Variants in NDUFA10 observed in about 807,000 individuals in gnomAD.
NDUFA10 encodes NADH dehydrogenase [ubiquinone] 1 alpha subcomplex subunit 10, mitochondrial.
In NDUFA10, 40 loss-of-function variants were observed where a neutral mutation model predicts 47.8. That is an observed-to-expected ratio of 0.84 (90% CI 0.65 to 1.09). NDUFA10 has a LOEUF of 1.09. NDUFA10 is among the 50% of genes least tolerant of loss of function. The probability of loss-of-function intolerance (pLI) is 0.00; values close to 1 mark genes in which losing one functional copy is unlikely to be tolerated. For missense variants in NDUFA10, 413 were observed against 451.1 expected (o/e 0.92, Z 0.76); for synonymous variants, 183 against 172.2 (o/e 1.06, Z -0.49).
intron 4 of NDUFA10, among the ~76,000 whole-genome samples, chr2:239,918,986 C>T (rs532310305): frequency 3.9e-4 from 60 of 152,324 alleles, no homozygotes; most frequent in East Asian, 7.7e-4. Flanking sequence ...GACACAGTAA[C>T]CGGCTGCTTC....
At chr2:239,920,034 CA>C (rs1452402200) in intron 4 of NDUFA10, among the ~76,000 whole-genome samples, 1 of 152,206 alleles carries the variant, frequency 6.6e-6, no homozygotes, top group Non-Finnish European at 1.5e-5. Flanking sequence ...ACCCTGCTCC[CA>C]GGGTGCTTCC....
chr2:239,966,764 G>A (rs1695079626), intron 9 of NDUFA10, among the ~76,000 whole-genome samples: 1 of 151,978 alleles, frequency 6.6e-6, no homozygotes, highest in Non-Finnish European at 1.5e-5. Flanking sequence ...GAACCAGGCT[G>A]CCTGAGGGAG....
intron 4 of NDUFA10, among the ~76,000 whole-genome samples, chr2:239,950,600 G>A (rs1348247473): frequency 2.0e-5 from 3 of 152,240 alleles, no homozygotes; most frequent in South Asian, 2.1e-4. Flanking sequence ...CCAGGATAGC[G>A]TCAGGATTTT....
chr2:240,022,677 C>T (rs1335104221), intron 1 of NDUFA10, among the ~76,000 whole-genome samples: 4 of 151,630 alleles, frequency 2.6e-5, no homozygotes, highest in African/African-American at 7.3e-5. Flanking sequence ...GACGGACAGA[C>T]GGGAGGAAGA....
chr2:239,958,017 T>C lies in NDUFA10; in HGVS notation c.*3101A>G, dbSNP rs1162525852. 6.6e-6 allele frequency: 1 copy of C among 152,218 alleles called. No individual in the cohort carries two copies. The highest frequency in any genetic ancestry group is 1.5e-5 in the Non-Finnish European group (1 of 68,038). 9.4% of individuals were successfully genotyped at this position (152,218 alleles called of 1,614,324 possible). On this transcript the variant is annotated 3_prime_UTR_variant, in exon 10 of 10. Coordinates refer to ENST00000252711, the MANE Select transcript of NDUFA10 (RefSeq NM_004544.4). The stretch of plus-strand genomic sequence containing the variant: ...ACAATCACCTCCTCTGTTTTCTGGC[T>C]CATGATTTTCCTAAAGCAAAGCCTC...
At chr2:239,955,333 G>A (rs562743871), downstream of NDUFA10, among the ~76,000 whole-genome samples, 17 of 152,222 alleles carry the variant, frequency 1.1e-4, no homozygotes, top group African/African-American at 3.4e-4. Flanking sequence ...GACCAATGCC[G>A]GCATTTTCCA....
At chr2:239,907,725 A>T (rs920904035) in intron 4 of NDUFA10, among the ~76,000 whole-genome samples, 2 of 152,234 alleles carry the variant, frequency 1.3e-5, no homozygotes, top group Non-Finnish European at 1.5e-5. Flanking sequence ...TAGAATGGTG[A>T]TCATTAAAAA....
chr2:239,935,787 C>T (rs1478281200), intron 4 of NDUFA10, among the ~76,000 whole-genome samples: 1 of 152,206 alleles, frequency 6.6e-6, no homozygotes, highest in African/African-American at 2.4e-5. Context: ...TCTCTTTTGC[C>T]TGCCGCCATG....
intron 6 of NDUFA10, among the ~76,000 whole-genome samples, chr2:240,011,030 C>G (rs765438764): frequency 4.6e-5 from 7 of 152,152 alleles, no homozygotes; most frequent in Non-Finnish European, 7.4e-5. Flanking sequence ...GTGTGGCAGA[C>G]ATTCCTTACA....
Position 239,959,913 on chromosome 2 carries a change from G to C in NDUFA10, c.*1205C>G. 1.0e-6 allele frequency: 1 copy of C among 985,516 alleles called. No individual in the cohort carries two copies. Among genetic ancestry groups the C allele is most frequent in the African/African-American group, 1.7e-5 (1 of 57,364 alleles). 61.0% of individuals were successfully genotyped at this position (985,516 alleles called of 1,614,324 possible). A position where few individuals can be genotyped will look rare whatever the true frequency, so the allele number is the denominator to read the frequency against. ...AGTGTGCATCTTCTTCGCATGCTCC[G>C]CAGCAGCGAGGCCTGGTAGAGCTTC... On this transcript the variant is annotated 3_prime_UTR_variant, in exon 10 of 10. Coordinates refer to ENST00000252711, the MANE Select transcript of NDUFA10 (RefSeq NM_004544.4).
chr2:240,010,866 CACA>C, intron 6 of NDUFA10, among the ~76,000 whole-genome samples: 1 of 151,920 alleles, frequency 6.6e-6, no homozygotes. Context: ...TGTTTTTATT[CACA>C]ACTTCAGTTA....
At chr2:239,937,734 C>T (rs1694288757) in intron 4 of NDUFA10, among the ~76,000 whole-genome samples, 3 of 152,198 alleles carry the variant, frequency 2.0e-5, no homozygotes, top group Non-Finnish European at 4.4e-5. Flanking sequence ...TTTGAGGAAC[C>T]ACCAAGCTGT....
chr2:239,978,311 C>T (rs905498061), intron 9 of NDUFA10, among the ~76,000 whole-genome samples: 1 of 152,212 alleles, frequency 6.6e-6, no homozygotes, highest in Admixed American at 6.5e-5. Context: ...ACACTTCTCT[C>T]AAGGTTCACC....
At position 239,945,974 on chromosome 2, in the gene NDUFA10, G is replaced by A. The variant is rs1694445847; in HGVS notation, c.294+44100C>T. Among the ~76,000 whole-genome samples, 1 of 152,186 alleles carries A rather than the reference G, an allele frequency of 6.6e-6. No homozygotes were observed. The highest frequency in any genetic ancestry group is 1.5e-5 in the Non-Finnish European group (1 of 68,030). ...GAAGCAGCCCAGAGCCTCACATAAT[G>A]AGCTGCACCCCCAGACCAGGACAGG... On this transcript the variant is annotated intron_variant, in intron 4 of 5. Coordinates refer to the NDUFA10 transcript ENST00000419408. This position sits in a 1 kb window ranked among gnomAD's most constrained non-coding sequence, Gnocchi z 4.6.
chr2:239,898,383 C>G (rs11676907), intron 4 of NDUFA10, among the ~76,000 whole-genome samples: 24,270 of 152,218 alleles, frequency 0.16, 2,073 homozygotes, highest in Admixed American at 0.23. Flanking sequence ...GCCTGCCAGC[C>G]TCCAGAGTCA....
intron 3 of NDUFA10, among the ~76,000 whole-genome samples, chr2:240,018,858 G>C (rs1397294862): frequency 2.0e-5 from 3 of 152,158 alleles, no homozygotes; most frequent in Non-Finnish European, 4.4e-5. Context: ...GTTTCATTAA[G>C]TCAGCTATAA....
chr2:239,898,063 C>G (rs144756182), intron 4 of NDUFA10, among the ~76,000 whole-genome samples: 34 of 152,144 alleles, frequency 2.2e-4, no homozygotes, highest in Non-Finnish European at 4.3e-4. Flanking sequence ...TGTGAGAAAA[C>G]GGAACTGCAG....
At chr2:239,998,649 T>C (rs974615169) in intron 8 of NDUFA10, among the ~76,000 whole-genome samples, 54 of 152,238 alleles carry the variant, frequency 3.5e-4, no homozygotes, top group African/African-American at 1.3e-3. Context: ...TTTCTGGGAG[T>C]CTGGAACCTG....
rs1696185637 is a variant in NDUFA10, at chr2:239,990,181, C to A, written c.892G>T (p.Val298Phe). 1 of 1,608,862 alleles carries A rather than the reference C, an allele frequency of 6.2e-7. No individual in the cohort carries two copies. The highest frequency in any genetic ancestry group is 1.7e-5 in the Admixed American group (1 of 59,988). ...NRTLYHLRLL[V>F]QDKFEVLNYT... ...TTCAGCACCTCAAACTTATCCTGAA[C>A]CCTAAAAAATAAGACACATGTGGAT... is the stretch of plus-strand genomic sequence containing the variant. Residue 298 changes from valine (V) to phenylalanine (F), a missense_variant and splice_region_variant, in exon 9 of 10, where the codon GTT (valine) becomes TTT (phenylalanine). By Grantham distance (50) the Val-to-Phe change is conservative. Transcript: ENST00000252711.
Sources: gnomAD v4.1 joint callset for allele counts (sites outside exome capture counted in the v4.1 genomes callset) on GRCh38, gnomAD v4.1.1 for gene constraint, Gnocchi (gnomAD v3.1) non-coding constraint, MANE v1.5 for transcripts, NCBI Gene and HGNC (gene_info 2026-07-23, HGNC 2026-07-21) for gene names.